Variants in RNF220 observed in about 807,000 individuals in gnomAD.
The protein encoded by RNF220 is ring finger protein 220.
Under a neutral mutation model 67.1 loss-of-function variants are expected in RNF220, and 7 were observed. The ratio of observed to expected loss-of-function variants is 0.10; its 90% CI spans 0.06 to 0.20. The LOEUF (loss-of-function observed/expected upper bound fraction) is 0.20. Among genes scored for constraint, RNF220 ranks in the 10% least tolerant of loss-of-function variants. RNF220 has a pLI of 1.00. For synonymous variants in RNF220, 270 were observed against 283.2 expected, an observed-to-expected ratio of 0.95 and a Z score of 0.47; for missense variants, 565 against 740.3, an observed-to-expected ratio of 0.76 and a Z score of 2.75.
chr1:44,472,664 A>G (rs918396010), intron 2 of RNF220, among the ~76,000 whole-genome samples: 2 of 152,186 alleles, frequency 1.3e-5, no homozygotes, highest in African/African-American at 4.8e-5. Flanking sequence ...GCCCTTCAGG[A>G]TCTGGCCTCA....
intron 2 of RNF220, among the ~76,000 whole-genome samples, chr1:44,478,502 A>G (rs992757434): frequency 6.6e-6 from 1 of 151,960 alleles, no homozygotes; most frequent in Admixed American, 6.6e-5. Flanking sequence ...TGGGTGGATC[A>G]CCTGAAGCTA....
At chr1:44,541,096 A>C (rs923128019) in intron 2 of RNF220, among the ~76,000 whole-genome samples, 2 of 152,192 alleles carry the variant, frequency 1.3e-5, no homozygotes, top group African/African-American at 4.8e-5. Flanking sequence ...GGAAGACGAA[A>C]CTGAACCTCA....
At chr1:44,588,974 G>A (rs1210800199) in intron 2 of RNF220, among the ~76,000 whole-genome samples, 2 of 152,190 alleles carry the variant, frequency 1.3e-5, no homozygotes, top group Non-Finnish European at 2.9e-5. Flanking sequence ...TCCTCTCCTA[G>A]AATTTATCAG....
rs1434883911 is a variant in RNF220 at position 44,556,179 on chromosome 1, C to T, written c.626-57986C>T. Among the ~76,000 whole-genome samples the T allele has an allele frequency of 1.3e-5, 2 of 149,936 alleles. 1 individual carries two copies. The highest frequency in any genetic ancestry group is 5.0e-5 in the African/African-American group (2 of 39,806). The stretch of plus-strand genomic sequence containing the variant: ...CCTCCCAAGTAGCTGGGATTACAGG[C>T]GTGCATCACCACACCTGGCTAATTT... On this transcript the variant is annotated intron_variant, in intron 2 of 14. Coordinates refer to ENST00000361799, the MANE Select transcript of RNF220 (RefSeq NM_018150.4).
chr1:44,499,805 T>C (rs1403012046), intron 2 of RNF220, among the ~76,000 whole-genome samples: 1 of 152,198 alleles, frequency 6.6e-6, no homozygotes, highest in Admixed American at 6.5e-5. Flanking sequence ...AGTCCAAAAC[T>C]GAACTCCTTA....
intron 2 of RNF220, among the ~76,000 whole-genome samples, chr1:44,539,073 T>C (rs1661469600): frequency 6.6e-6 from 1 of 151,588 alleles, no homozygotes; most frequent in African/African-American, 2.4e-5. Flanking sequence ...ATACAAAAAT[T>C]AGCCAGGCAT....
At chr1:44,553,480 G>A (rs957802734) in intron 2 of RNF220, among the ~76,000 whole-genome samples, 3 of 152,100 alleles carry the variant, frequency 2.0e-5, no homozygotes, top group African/African-American at 7.2e-5. Context: ...CTAAAAACGA[G>A]ATGACTTCTT....
intron 5 of RNF220, among the ~76,000 whole-genome samples, chr1:44,629,416 C>A (rs914499161): frequency 2.6e-5 from 4 of 152,240 alleles, no homozygotes; most frequent in African/African-American, 7.2e-5. Flanking sequence ...CTTGTCTTAT[C>A]CTTCCTTTAC....
chr1:44,409,292 C>T (rs1369158897), intron 1 of RNF220, among the ~76,000 whole-genome samples: 3 of 152,230 alleles, frequency 2.0e-5, no homozygotes, highest in Admixed American at 6.5e-5. Flanking sequence ...TCCGTCCAAC[C>T]TCACTGCCTG....
At chr1:44,563,362 T>C (rs568775634) in intron 2 of RNF220, among the ~76,000 whole-genome samples, 7 of 152,312 alleles carry the variant, frequency 4.6e-5, no homozygotes, top group African/African-American at 1.7e-4. Flanking sequence ...ACAGTAACTC[T>C]GGTAGAAAGG....
chr1:44,457,172 C>G (rs1481235180), intron 2 of RNF220, among the ~76,000 whole-genome samples: 1 of 152,044 alleles, frequency 6.6e-6, no homozygotes, highest in Non-Finnish European at 1.5e-5. Flanking sequence ...CTCTTCTCTG[C>G]CCCTTCCCTT....
At chr1:44,482,896 T>C (rs57826516) in intron 2 of RNF220, among the ~76,000 whole-genome samples, 6,135 of 148,176 alleles carry the variant, frequency 0.041, 458 homozygotes, top group African/African-American at 0.14. Flanking sequence ...GCTGGGATTG[T>C]AAGAGTGAGC....
chr1:44,503,285 G>C (rs1658098028), intron 2 of RNF220, among the ~76,000 whole-genome samples: 1 of 136,524 alleles, frequency 7.3e-6, no homozygotes, highest in Non-Finnish European at 1.5e-5. Context: ...AGTGAACCGA[G>C]ATTGCGCTAC....
At chr1:44,648,087 C>T (rs4660817) in intron 12 of RNF220, among the ~76,000 whole-genome samples, 35,033 of 152,184 alleles carry the variant, frequency 0.23, 5,293 homozygotes, top group Middle Eastern at 0.34. Context: ...GCCTCTTGGC[C>T]TCTGTTTCTG....
At position 44,650,419 on chromosome 1, in the gene RNF220, C is replaced by T. The variant is rs1410912169; in HGVS notation, c.1630-285C>T. 4 of 517,638 alleles carry T rather than the reference C, an allele frequency of 7.7e-6. No individual in the cohort carries two copies. Among genetic ancestry groups the T allele is most frequent in the Admixed American group, 3.2e-5 (1 of 31,136 alleles). The allele number at this position is 517,638 out of a possible 1,614,324, so 32.1% of individuals were successfully genotyped here. The stretch of plus-strand genomic sequence containing the variant: ...GGCTCTGTGTCCTGATCAAAGGCCG[C>T]GTGTAATCTCGTTAGGGCTGCGGCT... On this transcript the variant is annotated intron_variant, in intron 14 of 14. Transcript: ENST00000361799. The surrounding 1 kb of genome is among the most constrained non-coding windows in gnomAD (Gnocchi z 4.3).
intron 2 of RNF220, among the ~76,000 whole-genome samples, chr1:44,489,256 G>A (rs1157036119): frequency 6.6e-6 from 1 of 152,128 alleles, no homozygotes; most frequent in African/African-American, 2.4e-5. Flanking sequence ...GGTAGGTAAG[G>A]GGCCACGTGA....
At chr1:44,431,500 CAAAAAAAAAAAA>C (rs34244024) in intron 2 of RNF220, among the ~76,000 whole-genome samples, 1 of 90,480 alleles carries the variant, frequency 1.1e-5, no homozygotes, top group Non-Finnish European at 2.4e-5. Flanking sequence ...GACTTCATCT[CAAAAAAAAAAAA>C]AAAAAAAAGA....
At position 44,609,658 on chromosome 1, in the gene RNF220, G is replaced by C. The variant is rs140858933; in HGVS notation, c.626-4507G>C. 3.3e-3 allele frequency among the ~76,000 whole-genome samples: 506 copies of C among 152,334 alleles called. 6 individuals are homozygous for C. The highest frequency in any genetic ancestry group is 0.012 in the African/African-American group (490 of 41,582). On this transcript the variant is annotated intron_variant, in intron 2 of 14. Coordinates refer to ENST00000361799, the MANE Select transcript of RNF220 (RefSeq NM_018150.4). ...CAGCAGAGGGCTGATCTAGGACCCCGGGTACCTGAGGCCTTGTTTCGAGGC... is the reference window on the plus strand; with the variant it reads ...CAGCAGAGGGCTGATCTAGGACCCCCGGTACCTGAGGCCTTGTTTCGAGGC...
At chr1:44,506,310 C>CCTGATAGTG (rs1658419654) in intron 2 of RNF220, among the ~76,000 whole-genome samples, 1 of 152,222 alleles carries the variant, frequency 6.6e-6, no homozygotes, top group Non-Finnish European at 1.5e-5. Context: ...CCAGCTCCTT[C>CCTGATAGTG]CTGATAGTGG....
Sources: gnomAD v4.1 joint callset for allele counts (sites outside exome capture counted in the v4.1 genomes callset) on GRCh38, gnomAD v4.1.1 for gene constraint, Gnocchi (gnomAD v3.1) non-coding constraint, MANE v1.5 for transcripts, NCBI Gene and HGNC (gene_info 2026-07-23, HGNC 2026-07-21) for gene names.